Variants in PSPC1 observed in about 807,000 individuals in gnomAD.
PSPC1 encodes the protein paraspeckle component 1.
Under a neutral mutation model 51.6 loss-of-function variants are expected in PSPC1, and 14 were observed. The ratio of observed to expected loss-of-function variants is 0.27; its 90% CI spans 0.18 to 0.42. PSPC1 has a LOEUF of 0.42. Ranked by LOEUF, PSPC1 falls within the 10% of genes least tolerant of loss-of-function variation. PSPC1 has a pLI of 1.00. For synonymous variants in PSPC1, 193 were observed against 231.9 expected (o/e 0.83, Z 1.53); for missense variants, 406 against 701.1 (o/e 0.58, Z 4.75).
intron 5 of PSPC1, among the ~76,000 whole-genome samples, chr13:19,736,643 A>C (rs569400168): frequency 6.6e-6 from 1 of 152,286 alleles, no homozygotes; most frequent in Admixed American, 6.5e-5. Context: ...AGATCGCGCC[A>C]CTGCACTCCA....
chr13:19,734,571 G>A (rs1221428001), intron 5 of PSPC1, among the ~76,000 whole-genome samples: 1 of 152,154 alleles, frequency 6.6e-6, no homozygotes. Context: ...GGAGGCCAAG[G>A]CCGGCAGATC....
In PSPC1 at chr13:19,692,421, CTT is replaced by C. The variant is rs1265598630; in HGVS notation, c.1159-14600_1159-14599del. On this transcript the variant is annotated intron_variant and NMD_transcript_variant, in intron 6 of 7. Transcript: ENST00000471658. ...TGTCACTGCGCCCACCCGGCCAAGT[CTT>C]GTTTTAGAATGATGCATTTTGTGGA... is the stretch of plus-strand genomic sequence containing the variant. 5.3e-5 allele frequency among the ~76,000 whole-genome samples: 8 copies of C among 152,266 alleles called. No homozygotes were observed. The South Asian group carries it at 1.7e-3, about 32-fold the overall frequency.
chr13:19,692,896 G>C (rs1037682492), intron 6 of PSPC1, among the ~76,000 whole-genome samples: 19 of 152,132 alleles, frequency 1.2e-4, no homozygotes. Flanking sequence ...GCTGGGGCTG[G>C]ATCCCTGATC....
At position 19,768,730 on chromosome 13, in the gene PSPC1, T is replaced by C. The variant is rs114711255; in HGVS notation, c.674+3512A>G. ...AATTTTAGATATTTCAGGAAAGATA[T>C]ATAATTGGCCAAAAAGCACATGAAA... is the stretch of plus-strand genomic sequence containing the variant. On this transcript the variant is annotated intron_variant, in intron 2 of 8. Coordinates refer to ENST00000338910, the MANE Select transcript of PSPC1 (RefSeq NM_001354909.2). Among the ~76,000 whole-genome samples, 1,365 of 150,968 alleles carry C rather than the reference T, an allele frequency of 9.0e-3. 79 individuals are homozygous for C. The highest frequency in any genetic ancestry group is 0.032 in the African/African-American group (1,305 of 40,936).
At chr13:19,771,417 C>A (rs752202155) in intron 2 of PSPC1, among the ~76,000 whole-genome samples, 1 of 152,130 alleles carries the variant, frequency 6.6e-6, no homozygotes, top group African/African-American at 2.4e-5. Context: ...GGATTACAGG[C>A]ATAAGCCACC....
At chr13:19,733,924 T>C (rs1012862406) in intron 5 of PSPC1, among the ~76,000 whole-genome samples, 5 of 151,910 alleles carry the variant, frequency 3.3e-5, no homozygotes, top group African/African-American at 1.2e-4. Context: ...CTGCACTCCA[T>C]TCTGGGTGAC....
intron 1 of PSPC1, among the ~76,000 whole-genome samples, chr13:19,775,223 G>C (rs555799046): frequency 2.6e-5 from 4 of 152,020 alleles, no homozygotes; most frequent in Non-Finnish European, 5.9e-5. Flanking sequence ...CATGTGGCAC[G>C]GGCCTGTAGT....
At chr13:19,730,949 AAAAAAAACAAAAAAAC>A (rs1256588869) in intron 5 of PSPC1, among the ~76,000 whole-genome samples, 673 of 29,910 alleles carry the variant, frequency 0.023, 22 homozygotes, top group African/African-American at 0.028. Context: ...TGTCTCAGAA[AAAAAAAACAAAAAAAC>A]AAAAAAAAAA....
chr13:19,765,362 T>TATTATC (rs1555248085), intron 2 of PSPC1, among the ~76,000 whole-genome samples: 5 of 146,170 alleles, frequency 3.4e-5, no homozygotes, highest in East Asian at 2.0e-4. Flanking sequence ...TTATTATTAT[T>TATTATC]ATTACCAGGA....
At chr13:19,743,958 A>C (rs1371093662) in intron 4 of PSPC1, among the ~76,000 whole-genome samples, 1 of 151,968 alleles carries the variant, frequency 6.6e-6, no homozygotes, top group African/African-American at 2.4e-5. Context: ...AAACACAAAA[A>C]TTAGCCAGGC....
rs1428683862 is a variant in PSPC1, at chr13:19,782,239, C to T, written c.372+147G>A. On this transcript the variant is annotated intron_variant, in intron 1 of 8. Coordinates refer to ENST00000338910, the MANE Select transcript of PSPC1 (RefSeq NM_001354909.2). This position sits in a 1 kb window ranked among gnomAD's most constrained non-coding sequence, Gnocchi z 4.5. ...GCGCCGAGCTGGGGAAGCGGCCAAC[C>T]CCGCACAGAGGAATCGATGAGGCCG... 7.7e-7 allele frequency: 1 copy of T among 1,301,412 alleles called. No homozygotes were observed. Among genetic ancestry groups the T allele is most frequent in the Non-Finnish European group, 1.0e-6 (1 of 987,476 alleles). 80.6% of individuals were successfully genotyped at this position (1,301,412 alleles called of 1,614,324 possible).
intron 6 of PSPC1, among the ~76,000 whole-genome samples, chr13:19,713,553 A>AAAAG (rs1881717210): frequency 6.6e-6 from 1 of 151,242 alleles, no homozygotes; most frequent in Admixed American, 6.6e-5. Context: ...GCCAAAAAAA[A>AAAAG]AAAAAAAAAA....
chr13:19,746,700 C>CA (rs1490817644), intron 4 of PSPC1, among the ~76,000 whole-genome samples: 1 of 151,320 alleles, frequency 6.6e-6, no homozygotes, highest in South Asian at 2.1e-4. Flanking sequence ...GACTCCATCT[C>CA]AAAAAAAAAT....
chr13:19,757,480 C>T (rs1454439974), intron 3 of PSPC1, among the ~76,000 whole-genome samples: 1 of 152,270 alleles, frequency 6.6e-6, no homozygotes, highest in East Asian at 1.9e-4. Flanking sequence ...CTCTGCCTCC[C>T]ATAAAGATTT....
chr13:19,709,158 CAA>C (rs11446310), intron 7 of PSPC1, among the ~76,000 whole-genome samples: 4 of 83,710 alleles, frequency 4.8e-5, no homozygotes, highest in Admixed American at 1.6e-4. Flanking sequence ...GGTCCTGCCT[CAA>C]AAAAAAAAAA....
intron 1 of PSPC1, among the ~76,000 whole-genome samples, chr13:19,781,446 G>A (rs1015253046): frequency 3.9e-5 from 6 of 152,108 alleles, no homozygotes; most frequent in African/African-American, 1.4e-4. Context: ...TAGATTAAAA[G>A]AGAGTAAGCT....
chr13:19,743,976 C>T (rs1338658243), intron 4 of PSPC1, among the ~76,000 whole-genome samples: 8 of 151,932 alleles, frequency 5.3e-5, no homozygotes, highest in African/African-American at 1.5e-4. Context: ...GGCGTGGTGG[C>T]GCATGCCTGT....
At chr13:19,748,225 GA>G (rs11379226) in intron 4 of PSPC1, among the ~76,000 whole-genome samples, 24 of 147,122 alleles carry the variant, frequency 1.6e-4, no homozygotes, top group African/African-American at 3.5e-4. Flanking sequence ...CTCAAAAAAA[GA>G]AAAAAAAAAA....
chr13:19,717,980 G>C (rs1882324543), intron 6 of PSPC1, among the ~76,000 whole-genome samples: 1 of 151,774 alleles, frequency 6.6e-6, no homozygotes, highest in African/African-American at 2.4e-5. Flanking sequence ...GGAATTAGAG[G>C]TATGGTGACC....
Sources: gnomAD v4.1 joint callset for allele counts (sites outside exome capture counted in the v4.1 genomes callset) on GRCh38, gnomAD v4.1.1 for gene constraint, Gnocchi (gnomAD v3.1) non-coding constraint, MANE v1.5 for transcripts, NCBI Gene and HGNC (gene_info 2026-07-23, HGNC 2026-07-21) for gene names.